FRMPD4: variants seen among roughly 807,000 people sequenced by gnomAD.
FRMPD4 encodes FERM and PDZ domain containing 4.
In FRMPD4, 22 loss-of-function variants were observed where a neutral mutation model predicts 94.1. That is an observed-to-expected ratio of 0.23 (90% CI 0.17 to 0.33). FRMPD4 has a LOEUF of 0.33. FRMPD4 is among the 10% of genes least tolerant of loss of function. The pLI is 1.00. For synonymous variants in FRMPD4, 631 were observed against 548.6 expected (o/e 1.15, Z -2.10); for missense variants, 1,111 against 1,339.9 (o/e 0.83, Z 2.67).
intron 1 of FRMPD4, among the ~76,000 whole-genome samples, chrX:12,291,988 G>A (rs2054697700): frequency 8.9e-6 from 1 of 111,986 alleles, no homozygotes; most frequent in African/African-American, 3.2e-5. Context: ...AAAATTCATA[G>A]GCCTGTGCTT....
At chrX:12,518,009 G>C (rs2058121835) in intron 2 of FRMPD4, among the ~76,000 whole-genome samples, 1 of 112,264 alleles carries the variant, frequency 8.9e-6, no homozygotes, top group Admixed American at 9.3e-5. Flanking sequence ...TGCTGTGTGG[G>C]CTATGGGGTA....
intron 10 of FRMPD4, among the ~76,000 whole-genome samples, chrX:12,703,732 T>C (rs1359937470): frequency 8.9e-6 from 1 of 111,982 alleles, no homozygotes; most frequent in Non-Finnish European, 1.9e-5. Context: ...TACATCCACG[T>C]CCATGAATGA....
At chrX:12,406,529 C>T (rs1355273469) in intron 1 of FRMPD4, among the ~76,000 whole-genome samples, 2 of 112,268 alleles carry the variant, frequency 1.8e-5, no homozygotes, top group African/African-American at 6.5e-5. Context: ...CTCCCTCCAA[C>T]CACTCTGGGT....
At chrX:12,064,845 A>G (rs1251864122) in intron 3 of FRMPD4, among the ~76,000 whole-genome samples, 1 of 112,339 alleles carries the variant, frequency 8.9e-6, no homozygotes, top group Non-Finnish European at 1.9e-5. Flanking sequence ...GTGGATTAAT[A>G]TAACAGTTTT....
At chrX:12,501,481 A>C (rs2057920581) in intron 2 of FRMPD4, among the ~76,000 whole-genome samples, 1 of 108,843 alleles carries the variant, frequency 9.2e-6, no homozygotes, top group African/African-American at 3.3e-5. Flanking sequence ...GTTTATTACA[A>C]AGAGGTATTC....
At chrX:11,877,324 G>C (rs1325336450) in intron 2 of FRMPD4, among the ~76,000 whole-genome samples, 10 of 112,048 alleles carry the variant, frequency 8.9e-5, no homozygotes, top group East Asian at 2.8e-4. Flanking sequence ...TGTGAGAACT[G>C]TGTGCAGGTG....
In FRMPD4 at chrX:12,103,972, A is replaced by G. The variant is rs1393373556; in HGVS notation, c.95+225954A>G. Among the ~76,000 whole-genome samples, 3 of 111,915 alleles carry G rather than the reference A, an allele frequency of 2.7e-5. No individual in the cohort carries two copies. In the East Asian group the frequency reaches 8.4e-4, roughly 31 times the overall value. On this transcript the variant is annotated intron_variant, in intron 3 of 18. Coordinates refer to the FRMPD4 transcript ENST00000640291. ...TAAAAAGAAAAGACATTTATTTCTC[A>G]TGGTTCTGGAACTGGGAAGTCCAAG...
rs775757478 is a variant in FRMPD4, at chrX:12,655,859, T to C, written c.423-19004T>C. Reference sequence around the variant, plus strand: ...ATGATGATTATGGACTATTACTAACTGCTCACCAGGACTTTGGGAGTCCCA... The same window carrying C: ...ATGATGATTATGGACTATTACTAACCGCTCACCAGGACTTTGGGAGTCCCA... On this transcript the variant is annotated intron_variant, in intron 4 of 16. Transcript: ENST00000675598. Among the ~76,000 whole-genome samples, 5 of 112,338 alleles carry C rather than the reference T, an allele frequency of 4.5e-5. No individual in the cohort carries two copies. The South Asian group carries it at 1.5e-3, about 34-fold the overall frequency.
At position 12,721,456 on chromosome X, in the gene FRMPD4, G is replaced by C; in HGVS notation, c.4887G>C (p.Glu1629Asp). Residue 1629 changes from glutamate (E) to aspartate (D), a missense_variant, in exon 17 of 17, where the codon GAG becomes GAC. By Grantham distance (45) the Glu-to-Asp change is conservative. Around this residue, in one of 8 missense-constraint regions of FRMPD4, gnomAD observed 551 missense variants for 591.6 expected, o/e 0.93. Transcript: ENST00000675598. ...LVRATKEKRE[E>D]SRPEAYDLTL... ...GGGCAACCAAGGAGAAGAGGGAGGA[G>C]TCACGCCCTGAAGCGTACGACCTTA... is the stretch of plus-strand genomic sequence containing the variant. The C allele has an allele frequency of 1.3e-6, 1 of 754,899 alleles. No individual in the cohort carries two copies. The highest frequency in any genetic ancestry group is 1.6e-6 in the Non-Finnish European group (1 of 638,405). 62.2% of individuals were successfully genotyped at this position (754,899 alleles called of 1,213,427 possible).
At chrX:12,652,604 A>C (rs2059606512) in intron 4 of FRMPD4, among the ~76,000 whole-genome samples, 1 of 111,883 alleles carries the variant, frequency 8.9e-6, no homozygotes, top group Non-Finnish European at 1.9e-5. Flanking sequence ...GATTTTTCAT[A>C]CAAGTAGATT....
At position 12,716,847 on chromosome X, in the gene FRMPD4, T is replaced by A; in HGVS notation, c.2388T>A (p.Asp796Glu). 1.7e-6 allele frequency: 2 copies of A among 1,211,840 alleles called. No individual in the cohort carries two copies. Among genetic ancestry groups the A allele is most frequent in the African/African-American group, 3.5e-5 (2 of 57,800 alleles). Residue 796 changes from aspartate to glutamate, a missense_variant, in exon 15 of 17, where the codon GAT (aspartate) becomes GAA (glutamate). Asp to Glu is a conservative substitution (Grantham distance 45). Around this residue, in one of 8 missense-constraint regions of FRMPD4, gnomAD observed 74 missense variants for 93.9 expected, o/e 0.79. Coordinates refer to ENST00000675598, the MANE Select transcript of FRMPD4 (RefSeq NM_001368397.1). ...LPPPEGDDNE[D>E]DFLLRSLNMA... The stretch of plus-strand genomic sequence containing the variant: ...CTCCAGAAGGTGATGACAATGAGGA[T>A]GACTTCCTGTTGCGTTCCTTGAACA...
intron 3 of FRMPD4, among the ~76,000 whole-genome samples, chrX:12,079,067 A>C (rs967546029): frequency 2.7e-5 from 3 of 111,593 alleles, no homozygotes; most frequent in Non-Finnish European, 5.6e-5. Context: ...TGATGATCTA[A>C]GGCAATTGGA....
At chrX:12,554,639 T>C (rs1402536881) in intron 2 of FRMPD4, among the ~76,000 whole-genome samples, 2 of 111,382 alleles carry the variant, frequency 1.8e-5, no homozygotes, top group Non-Finnish European at 3.8e-5. Flanking sequence ...TGAGATAGGG[T>C]TTCACTCTGT....
chrX:12,053,410 GA>G (rs1428697520), intron 3 of FRMPD4, among the ~76,000 whole-genome samples: 8 of 90,856 alleles, frequency 8.8e-5, no homozygotes, highest in East Asian at 7.2e-4. Context: ...AAGAAAGAAA[GA>G]AAGAAAGAAA....
chrX:11,903,952 T>A (rs991822981), intron 3 of FRMPD4, among the ~76,000 whole-genome samples: 5 of 110,846 alleles, frequency 4.5e-5, no homozygotes, highest in Non-Finnish European at 9.4e-5. Flanking sequence ...GCTAATTTTT[T>A]AATTTTTTTT....
At chrX:12,696,495 A>G (rs569467981) in intron 9 of FRMPD4, among the ~76,000 whole-genome samples, 6 of 108,392 alleles carry the variant, frequency 5.5e-5, no homozygotes, top group East Asian at 2.9e-4. Context: ...TTAGACATCT[A>G]GCAGTAGAAC....
intron 1 of FRMPD4, among the ~76,000 whole-genome samples, chrX:12,353,126 C>G (rs145036128): frequency 0.016 from 1,780 of 111,623 alleles, 19 homozygotes; most frequent in Admixed American, 0.054. Context: ...AGACAGGGAC[C>G]TTTCCTGGGC....
chrX:11,992,142 G>GGA (rs2054468255), intron 3 of FRMPD4, among the ~76,000 whole-genome samples: 1 of 105,452 alleles, frequency 9.5e-6, no homozygotes, highest in East Asian at 3.0e-4. Flanking sequence ...AATTAAAAGA[G>GGA]AAAAAAAAAA....
intron 4 of FRMPD4, among the ~76,000 whole-genome samples, chrX:12,667,810 T>C (rs185954462): frequency 1.4e-4 from 16 of 112,052 alleles, no homozygotes; most frequent in African/African-American, 5.2e-4. Flanking sequence ...GTCAAAGAAA[T>C]GAAGAGAGAG....
Sources: allele counts gnomAD v4.1 joint callset (sites outside exome capture counted in the v4.1 genomes callset), GRCh38; gene constraint gnomAD v4.1.1; regional missense constraint gnomAD v4.1.1; transcripts MANE v1.5; gene names NCBI Gene and HGNC (gene_info 2026-07-23, HGNC 2026-07-21).